Variants in PLOD2 observed in about 807,000 individuals in gnomAD.
The protein encoded by PLOD2 is procollagen-lysine,2-oxoglutarate 5-dioxygenase 2, also known as lysine hydroxylase 2.
Under a neutral mutation model 101.0 loss-of-function variants are expected in PLOD2, and 65 were observed. The ratio of observed to expected loss-of-function variants is 0.64; its 90% confidence interval spans 0.53 to 0.79. The LOEUF (loss-of-function observed/expected upper bound fraction) is 0.79. Among genes scored for constraint, PLOD2 ranks in the 30% least tolerant of loss-of-function variants. The pLI, the probability that PLOD2 is intolerant of heterozygous loss-of-function variation, is 0.00. For missense variants in PLOD2, 909 were observed against 914.6 expected (o/e 0.99, Z 0.08); for synonymous variants, 314 against 302.9 (o/e 1.04, Z -0.38).
At chr3:146,080,952 GC>G (rs1359695465) in intron 12 of PLOD2, among the ~76,000 whole-genome samples, 1 of 151,570 alleles carries the variant, frequency 6.6e-6, no homozygotes, top group Non-Finnish European at 1.5e-5. Context: ...AGAAACGTGT[GC>G]CTTTTTTTTT....
intron 7 of PLOD2, among the ~76,000 whole-genome samples, chr3:146,097,038 G>A (rs1386256207): frequency 1.4e-5 from 2 of 147,066 alleles, no homozygotes; most frequent in Non-Finnish European, 3.0e-5. Flanking sequence ...CGCCCCGTCC[G>A]GGAGGTGAGG....
At chr3:146,077,761 G>T in intron 14 of PLOD2, 101 bp downstream of exon 14, 1 of 680,580 alleles carries the variant, frequency 1.5e-6, no homozygotes. Context: ...ATTTTACCAA[G>T]CTAAATGCAA....
At chr3:146,132,992 GGTGAAACC>G (rs1223782554) in intron 1 of PLOD2, among the ~76,000 whole-genome samples, 1 of 152,082 alleles carries the variant, frequency 6.6e-6, no homozygotes, top group East Asian at 1.9e-4. Context: ...TCCTGGCTAT[GGTGAAACC>G]CGGTCTCTAC....
At chr3:146,155,714 C>CAAAAAAAAAAAAA (rs766107067) in intron 1 of PLOD2, among the ~76,000 whole-genome samples, 1 of 54,062 alleles carries the variant, frequency 1.8e-5, no homozygotes. Flanking sequence ...GACTCTGTCT[C>CAAAAAAAAAAAAA]AAAAAAAAAA....
At chr3:146,155,934 G>A (rs113824197) in intron 1 of PLOD2, among the ~76,000 whole-genome samples, 3,479 of 152,118 alleles carry the variant, frequency 0.023, 125 homozygotes, top group African/African-American at 0.079. Flanking sequence ...TTCCTCCCAG[G>A]AGCTCAGCCA....
In PLOD2 at chr3:146,119,445, C is replaced by T. The variant is rs1012665463; in HGVS notation, c.338+1667G>A. 5.3e-5 allele frequency among the ~76,000 whole-genome samples: 8 copies of T among 151,080 alleles called. No individual in the cohort carries two copies. The South Asian group carries it at 1.7e-3, about 32-fold the overall frequency. ...TAACTAGTAATATCTACTTTTGCCT[C>T]TTTTTTTTTATTATACTTTAAGTTT... On this transcript the variant is annotated intron_variant, in intron 3 of 19. Transcript: ENST00000282903.
chr3:146,108,236 A>G (rs888620223), intron 4 of PLOD2, among the ~76,000 whole-genome samples: 1 of 152,078 alleles, frequency 6.6e-6, no homozygotes, highest in African/African-American at 2.4e-5. Flanking sequence ...GCTAGAGTGC[A>G]ATGGTGCACT....
intron 15 of PLOD2, among the ~76,000 whole-genome samples, chr3:146,074,944 T>G (rs1936278704): frequency 1.3e-5 from 2 of 151,600 alleles, no homozygotes; most frequent in Non-Finnish European, 3.0e-5. Context: ...GTTCTGATAT[T>G]TTCATTGCTT....
At chr3:146,138,420 G>A (rs1459450934) in intron 1 of PLOD2, among the ~76,000 whole-genome samples, 2 of 152,118 alleles carry the variant, frequency 1.3e-5, no homozygotes, top group East Asian at 3.8e-4. Flanking sequence ...GTCGCAGGGA[G>A]TCTTGAATGG....
chr3:146,110,182 G>A (rs1421562605), intron 4 of PLOD2, 103 bp downstream of exon 4: 5 of 950,024 alleles, frequency 5.3e-6, no homozygotes, highest in East Asian at 2.5e-5. Context: ...ATAAAATAAG[G>A]GTTATTTAAA....
chr3:146,160,957 C>T lies in PLOD2; in HGVS notation c.33G>A (p.Leu11=), dbSNP rs769120155. Residue 11 remains leucine (L), a synonymous_variant, in exon 1 of 20, where the codon CTG becomes CTA. Transcript: ENST00000282903. MGGCTVKPQL[L]LLALVLHPWN... is the part of the protein sequence containing the mutation. ...AGGGGTGGAGGACGAGCGCCAGGAG[C>T]AGCAGCTGAGGCTTCACCGTGCATC... is the stretch of plus-strand genomic sequence containing the variant. 6.9e-6 allele frequency: 11 copies of T among 1,598,786 alleles called. No homozygotes were observed. The highest frequency in any genetic ancestry group is 8.5e-6 in the Non-Finnish European group (10 of 1,173,044).
chr3:146,139,729 T>C (rs1036057985), intron 1 of PLOD2, among the ~76,000 whole-genome samples: 1 of 152,120 alleles, frequency 6.6e-6, no homozygotes, highest in Non-Finnish European at 1.5e-5. Context: ...CAGTTACACA[T>C]TCCTGTACAA....
intron 1 of PLOD2, among the ~76,000 whole-genome samples, chr3:146,157,171 A>T (rs1279419294): frequency 6.6e-6 from 1 of 152,248 alleles, no homozygotes; most frequent in Non-Finnish European, 1.5e-5. Context: ...CATTGACTGC[A>T]CGCTACTTTT....
At chr3:146,086,701 A>C (rs1936783428) in intron 10 of PLOD2, 86 bp downstream of exon 10, 2 of 985,820 alleles carry the variant, frequency 2.0e-6, no homozygotes, top group African/African-American at 3.3e-5. Flanking sequence ...CAAATTTGGC[A>C]TAACAATTTT....
At chr3:146,108,918 A>G (rs1336066150) in intron 4 of PLOD2, among the ~76,000 whole-genome samples, 1 of 152,224 alleles carries the variant, frequency 6.6e-6, no homozygotes. Flanking sequence ...TTGGTTTTAA[A>G]CAATGGAGGA....
At chr3:146,151,829 C>T (rs2032071732) in intron 1 of PLOD2, among the ~76,000 whole-genome samples, 1 of 152,098 alleles carries the variant, frequency 6.6e-6, no homozygotes, top group African/African-American at 2.4e-5. Flanking sequence ...CACAAAGCAA[C>T]AGAACACAGA....
rs2031386719 is a variant in PLOD2, at chr3:146,138,976, T to TATGC, written c.110-14751_110-14748dup. The stretch of plus-strand genomic sequence containing the variant: ...CTCCAGAGGCTGTGCTCTTAACTGC[T>TATGC]ATGCAATACTGCATCTCATAATCTG... On this transcript the variant is annotated intron_variant, in intron 1 of 19. Transcript: ENST00000282903. Among the ~76,000 whole-genome samples the TATGC allele has an allele frequency of 4.6e-5, 7 of 152,288 alleles. No individual in the cohort carries two copies. The South Asian group carries it at 1.2e-3, about 27-fold the overall frequency.
At chr3:146,096,493 G>A (rs1186453008) in intron 7 of PLOD2, among the ~76,000 whole-genome samples, 10 of 106,670 alleles carry the variant, frequency 9.4e-5, no homozygotes, top group Non-Finnish European at 1.7e-4. Context: ...GTCTCTGCCC[G>A]GCCGCCCATC....
At chr3:146,156,657 C>G (rs949287670) in intron 1 of PLOD2, among the ~76,000 whole-genome samples, 1 of 152,242 alleles carries the variant, frequency 6.6e-6, no homozygotes, top group African/African-American at 2.4e-5. Flanking sequence ...CAGCCTGTGC[C>G]TACTCCTTTC....
Sources: allele counts gnomAD v4.1 joint callset (sites outside exome capture counted in the v4.1 genomes callset), GRCh38; gene constraint gnomAD v4.1.1; transcripts MANE v1.5; gene names NCBI Gene and HGNC (gene_info 2026-07-23, HGNC 2026-07-21).